Variants in CHL1 observed in about 807,000 individuals in gnomAD.
CHL1 encodes neural cell adhesion molecule L1-like protein.
In CHL1, 96 loss-of-function variants were observed where a neutral mutation model predicts 141.9. The observed-to-expected ratio is 0.68, with a 90% confidence interval of 0.57 to 0.80. CHL1 has a LOEUF of 0.80. Among genes scored for constraint, CHL1 ranks in the 30% least tolerant of loss-of-function variants. The pLI, the probability that CHL1 is intolerant of heterozygous loss-of-function variation, is 0.00. For synonymous variants in CHL1, 613 were observed against 502.2 expected, an observed-to-expected ratio of 1.22 and a Z score of -2.95; for missense variants, 1,820 against 1,457.2, an observed-to-expected ratio of 1.25 and a Z score of -4.05.
Position 405,898 on chromosome 3 carries a change from G to A in CHL1, c.*187G>A, listed in dbSNP as rs1709503863. The A allele has an allele frequency of 5.5e-6, 3 of 547,592 alleles. No homozygotes were observed. The highest frequency in any genetic ancestry group is 3.8e-5 in the African/African-American group (2 of 52,658). 33.9% of individuals were successfully genotyped at this position (547,592 alleles called of 1,614,324 possible). A position where few individuals can be genotyped will look rare whatever the true frequency, so the allele number is the denominator to read the frequency against. ...AAAATATAAAATGCCAAGCACTTCA[G>A]GCCTATGTTTTGCTTATATTGTTTT... is the stretch of plus-strand genomic sequence containing the variant. On this transcript the variant is annotated 3_prime_UTR_variant, in exon 28 of 28. Transcript: ENST00000256509.
chr3:303,895 T>C (rs1698984851), intron 2 of CHL1, among the ~76,000 whole-genome samples: 1 of 152,198 alleles, frequency 6.6e-6, no homozygotes, highest in Non-Finnish European at 1.5e-5. Flanking sequence ...TTGAGATGTG[T>C]TCCATTGATA....
intron 2 of CHL1, among the ~76,000 whole-genome samples, chr3:248,964 G>C (rs887433212): frequency 5.3e-5 from 8 of 152,142 alleles, no homozygotes; most frequent in African/African-American, 1.7e-4. Context: ...ATAACTCAGA[G>C]CAAAATCCAA....
intron 3 of CHL1, among the ~76,000 whole-genome samples, chr3:323,504 T>C (rs981027951): frequency 6.6e-6 from 1 of 152,146 alleles, no homozygotes; most frequent in Non-Finnish European, 1.5e-5. Flanking sequence ...GTACACAGTA[T>C]GAAAAGTTGA....
At chr3:361,847 C>G (rs747380085) in intron 13 of CHL1, 37 bp downstream of exon 13, 2 of 1,334,884 alleles carry the variant, frequency 1.5e-6, no homozygotes, top group South Asian at 2.3e-5. Context: ...AAGAGAATGT[C>G]AATTGTAGAT....
intron 2 of CHL1, among the ~76,000 whole-genome samples, chr3:263,735 A>AT (rs2125209200): frequency 6.6e-6 from 1 of 152,270 alleles, no homozygotes; most frequent in East Asian, 1.9e-4. Context: ...TTACTTTTAG[A>AT]TTTTTATAGC....
At chr3:274,608 G>C (rs1478485816) in intron 2 of CHL1, among the ~76,000 whole-genome samples, 1 of 152,206 alleles carries the variant, frequency 6.6e-6, no homozygotes, top group Non-Finnish European at 1.5e-5. Flanking sequence ...CTAGTGAGCT[G>C]TAGGCTGACA....
Position 344,716 on chromosome 3 carries a change from A to C in CHL1, c.848+7A>C. 6.2e-7 allele frequency: 1 copy of C among 1,613,332 alleles called. No individual in the cohort carries two copies. Among genetic ancestry groups the C allele is most frequent in the Non-Finnish European group, 8.5e-7 (1 of 1,179,590 alleles). On this transcript the variant is annotated splice_region_variant and intron_variant, in intron 9 of 27. Coordinates refer to ENST00000256509, the MANE Select transcript of CHL1 (RefSeq NM_006614.4). ...AGTGTTTTGCTGAAGGCTTGTGAGT[A>C]ACCTGACTCTCACTCATGACTTTGT...
At chr3:206,903 G>A (rs79967385) in intron 1 of CHL1, among the ~76,000 whole-genome samples, 2,562 of 152,266 alleles carry the variant, frequency 0.017, 71 homozygotes, top group African/African-American at 0.059. Context: ...TGCATTTCGC[G>A]GTTGGCATTT....
At chr3:244,991 A>G (rs938492996) in intron 2 of CHL1, among the ~76,000 whole-genome samples, 1 of 152,168 alleles carries the variant, frequency 6.6e-6, no homozygotes, top group African/African-American at 2.4e-5. Context: ...TATAATATTT[A>G]TCAAAATGTC....
intron 1 of CHL1, among the ~76,000 whole-genome samples, chr3:229,134 A>G (rs1161442701): frequency 6.6e-6 from 1 of 152,194 alleles, no homozygotes; most frequent in East Asian, 1.9e-4. Context: ...GTTGTTTCCA[A>G]GGGGACTCTG....
At position 305,295 on chromosome 3, in the gene CHL1, C is replaced by T. The variant is rs769177600; in HGVS notation, c.-94-14388C>T. Among the ~76,000 whole-genome samples, 19 of 151,900 alleles carry T rather than the reference C, an allele frequency of 1.3e-4. 1 individual carries two copies. Among genetic ancestry groups the T allele is most frequent in the African/African-American group, 2.2e-4 (9 of 41,348 alleles). Reference sequence around the variant, plus strand: ...CTAGTCATTCAGTATATTTCAATGACGACAGTATTATCTTTGGAATCACAA... The same window carrying T: ...CTAGTCATTCAGTATATTTCAATGATGACAGTATTATCTTTGGAATCACAA... On this transcript the variant is annotated intron_variant, in intron 2 of 27. Coordinates refer to ENST00000256509, the MANE Select transcript of CHL1 (RefSeq NM_006614.4).
chr3:394,236 C>T (rs897512948), intron 23 of CHL1, among the ~76,000 whole-genome samples: 4 of 152,084 alleles, frequency 2.6e-5, no homozygotes, highest in Admixed American at 2.6e-4. Flanking sequence ...ACATGTTAAA[C>T]TAGAAACCAT....
chr3:362,117 A>C (rs1704315864), intron 13 of CHL1, among the ~76,000 whole-genome samples: 1 of 152,214 alleles, frequency 6.6e-6, no homozygotes, highest in Non-Finnish European at 1.5e-5. Context: ...ATGAGGTACC[A>C]CAAGGTCATG....
intron 2 of CHL1, among the ~76,000 whole-genome samples, chr3:290,962 A>T (rs1007992656): frequency 6.6e-6 from 1 of 151,738 alleles, no homozygotes; most frequent in African/African-American, 2.4e-5. Flanking sequence ...AAGAAAGAAA[A>T]AGAAAAAAAG....
At position 363,222 on chromosome 3, in the gene CHL1, A is replaced by T. The variant is rs1433761891; in HGVS notation, c.1424A>T (p.Lys475Met). ...ASPEAVVSWQ[K>M]VEEVKPLEGR... The stretch of plus-strand genomic sequence containing the variant: ...TACGCTTTCTTTGTCCATAGGCAGA[A>T]GGTGGAAGAAGTGAAACCCCTGGAG... The change falls in exon 14 of 28, where the codon AAG (lysine) becomes ATG (methionine). Residue 475 changes from lysine to methionine, a missense_variant. Coordinates refer to ENST00000256509, the MANE Select transcript of CHL1 (RefSeq NM_006614.4). The T allele has an allele frequency of 1.9e-6, 3 of 1,608,366 alleles. No individual in the cohort carries two copies. The highest frequency in any genetic ancestry group is 2.7e-5 in the African/African-American group (2 of 74,366).
intron 1 of CHL1, among the ~76,000 whole-genome samples, chr3:199,191 A>T (rs1698699906): frequency 6.6e-6 from 1 of 152,224 alleles, no homozygotes; most frequent in Non-Finnish European, 1.5e-5. Flanking sequence ...GTAATGGCAG[A>T]ACGTAGTGTA....
chr3:313,905 G>A (rs185186210), intron 2 of CHL1, among the ~76,000 whole-genome samples: 22 of 152,128 alleles, frequency 1.4e-4, no homozygotes, highest in African/African-American at 4.6e-4. Context: ...TTTTCTTTAG[G>A]TGGGCTATAA....
chr3:209,125 T>TAG (rs1305412805), intron 1 of CHL1, among the ~76,000 whole-genome samples: 3 of 152,240 alleles, frequency 2.0e-5, no homozygotes, highest in East Asian at 3.8e-4. Context: ...CAAAGCAACC[T>TAG]AGATCTCTTT....
chr3:369,298 T>C lies in CHL1; in HGVS notation c.1751+3183T>C, dbSNP rs551422069. Reference sequence around the variant, plus strand: ...CTTGAGCAGTGGTTTGTAGTTCTCCTTGAAGAGGTCCTTTGCATCCCTTGT... The same window carrying C: ...CTTGAGCAGTGGTTTGTAGTTCTCCCTGAAGAGGTCCTTTGCATCCCTTGT... On this transcript the variant is annotated intron_variant, in intron 15 of 27. Coordinates refer to ENST00000256509, the MANE Select transcript of CHL1 (RefSeq NM_006614.4). 1.3e-3 allele frequency among the ~76,000 whole-genome samples: 205 copies of C among 152,248 alleles called. 2 individuals are homozygous for C. The highest frequency in any genetic ancestry group is 4.8e-3 in the African/African-American group (200 of 41,548).
Sources: allele counts gnomAD v4.1 joint callset (sites outside exome capture counted in the v4.1 genomes callset), GRCh38; gene constraint gnomAD v4.1.1; transcripts MANE v1.5; gene names NCBI Gene and HGNC (gene_info 2026-07-23, HGNC 2026-07-21).